The following GALNT13 variants were observed in gnomAD, a reference collection of about 807,000 sequenced individuals.
GALNT13 encodes the protein UDP-GalNAc:polypeptide N-acetylgalactosaminyltransferase 13.
GALNT13 carries 28 observed loss-of-function variants against 64.2 expected under a neutral mutation model. The ratio of observed to expected loss-of-function variants is 0.44; its 90% CI spans 0.32 to 0.60. The LOEUF (loss-of-function observed/expected upper bound fraction) is 0.60, where lower values mean the gene tolerates loss of function less well. Among genes scored for constraint, GALNT13 ranks in the 20% least tolerant of loss-of-function variants. The pLI, the probability that GALNT13 is intolerant of heterozygous loss-of-function variation, is 0.05. For synonymous variants in GALNT13, 214 were observed against 224.6 expected, an observed-to-expected ratio of 0.95 and a Z score of 0.42; for missense variants, 577 against 669.8, an observed-to-expected ratio of 0.86 and a Z score of 1.53.
the GALNT13 span, among the ~76,000 whole-genome samples, chr2:153,341,187 G>A: frequency 6.6e-6 from 1 of 152,132 alleles, no homozygotes; most frequent in African/African-American, 2.4e-5. Flanking sequence ...ACAAAGTTAA[G>A]GATAATAATA....
chr2:153,297,766 A>G, the GALNT13 span, among the ~76,000 whole-genome samples: 1 of 152,216 alleles, frequency 6.6e-6, no homozygotes, highest in African/African-American at 2.4e-5. Flanking sequence ...TGCTGAGGCT[A>G]ACAATAGTGG....
chr2:153,684,067 A>AT, the GALNT13 span, among the ~76,000 whole-genome samples: 3 of 78,076 alleles, frequency 3.8e-5, 1 homozygote, highest in African/African-American at 1.2e-4. Flanking sequence ...CCTCTTCATA[A>AT]TAATATATAT....
At chr2:153,871,598 G>A (rs1419182704), upstream of GALNT13, among the ~76,000 whole-genome samples, 2 of 152,168 alleles carry the variant, frequency 1.3e-5, no homozygotes, top group Non-Finnish European at 2.9e-5. Flanking sequence ...AAAGCGGCCA[G>A]GGGTCGCGAG....
At chr2:153,193,276 A>C in the GALNT13 span, among the ~76,000 whole-genome samples, 1 of 151,936 alleles carries the variant, frequency 6.6e-6, no homozygotes, top group African/African-American at 2.4e-5. Flanking sequence ...GCCATAAAAA[A>C]TGATGAGTTC....
At position 154,255,942 on chromosome 2, in the gene GALNT13, A is replaced by G. The variant is rs1436259646; in HGVS notation, c.858-3079A>G. ...GTGGTGCATGCCCGTAGTCCCAGCT[A>G]TTCTGGAGGCTGAGGTGGGAGAATC... On this transcript the variant is annotated intron_variant, in intron 7 of 12. Coordinates refer to ENST00000392825, the MANE Select transcript of GALNT13 (RefSeq NM_052917.4). Among the ~76,000 whole-genome samples, 3 of 152,118 alleles carry G rather than the reference A, an allele frequency of 2.0e-5. No homozygotes were observed. In the East Asian group the frequency reaches 5.8e-4, roughly 30 times the overall value.
chr2:154,328,136 T>C (rs1694975129), intron 9 of GALNT13, among the ~76,000 whole-genome samples: 3 of 152,144 alleles, frequency 2.0e-5, no homozygotes, highest in African/African-American at 7.2e-5. Context: ...AACTAGGTAC[T>C]GATTGTACCT....
chr2:153,194,289 T>C, the GALNT13 span, among the ~76,000 whole-genome samples: 60 of 152,292 alleles, frequency 3.9e-4, no homozygotes, highest in African/African-American at 1.4e-3. Context: ...TTATTTTTTA[T>C]GCTTTTTTGT....
the GALNT13 span, among the ~76,000 whole-genome samples, chr2:153,265,137 G>T: frequency 3.1e-3 from 471 of 152,272 alleles, 1 homozygote; most frequent in African/African-American, 0.011. Flanking sequence ...GCTGTTTGAG[G>T]TTGGGGAAGG....
chr2:153,407,281 T>G, the GALNT13 span, among the ~76,000 whole-genome samples: 1 of 152,188 alleles, frequency 6.6e-6, no homozygotes, highest in Admixed American at 6.5e-5. Flanking sequence ...TGATGATGCT[T>G]AAGTCTAATA....
chr2:153,724,145 A>C, the GALNT13 span, among the ~76,000 whole-genome samples: 1 of 141,274 alleles, frequency 7.1e-6, no homozygotes, highest in Non-Finnish European at 1.5e-5. Flanking sequence ...CTCAGAAATA[A>C]CGCCACATAC....
intron 1 of GALNT13, among the ~76,000 whole-genome samples, chr2:153,899,372 C>A (rs2105288037): frequency 6.6e-6 from 1 of 152,198 alleles, no homozygotes; most frequent in East Asian, 1.9e-4. Context: ...TAGAGATTTA[C>A]TAATTGTTAT....
At chr2:153,826,626 A>G in the GALNT13 span, among the ~76,000 whole-genome samples, 1 of 152,204 alleles carries the variant, frequency 6.6e-6, no homozygotes, top group South Asian at 2.1e-4. Flanking sequence ...AACTGTAAAG[A>G]GTTTTAAACC....
the GALNT13 span, among the ~76,000 whole-genome samples, chr2:153,447,637 T>G: frequency 1.3e-5 from 2 of 152,294 alleles, no homozygotes; most frequent in Admixed American, 1.3e-4. Flanking sequence ...ATAGTTTTAT[T>G]GGTTATATAA....
At chr2:153,913,173 C>T (rs1351315404) in intron 2 of GALNT13, among the ~76,000 whole-genome samples, 5 of 152,228 alleles carry the variant, frequency 3.3e-5, no homozygotes, top group African/African-American at 1.2e-4. Context: ...GTCTGTTTTC[C>T]CTGCCTAGTT....
the GALNT13 span, among the ~76,000 whole-genome samples, chr2:153,724,156 C>G: frequency 2.1e-5 from 3 of 141,746 alleles, no homozygotes; most frequent in Non-Finnish European, 3.0e-5. Context: ...CGCCACATAC[C>G]TACAACTATC....
chr2:153,216,538 G>A, the GALNT13 span, among the ~76,000 whole-genome samples: 1 of 151,928 alleles, frequency 6.6e-6, no homozygotes, highest in Non-Finnish European at 1.5e-5. Context: ...CATTGTGCCT[G>A]TAATTTGCAT....
the GALNT13 span, among the ~76,000 whole-genome samples, chr2:153,272,913 A>T: frequency 6.6e-6 from 1 of 152,252 alleles, no homozygotes; most frequent in Non-Finnish European, 1.5e-5. Flanking sequence ...TGGCACATAT[A>T]CACCATGGAA....
chr2:153,924,378 C>G (rs2105343328), intron 2 of GALNT13, among the ~76,000 whole-genome samples: 1 of 151,958 alleles, frequency 6.6e-6, no homozygotes, highest in East Asian at 1.9e-4. Context: ...TGTTCCTGCA[C>G]AGGACATGAT....
intron 3 of GALNT13, among the ~76,000 whole-genome samples, chr2:154,044,164 GAGAAA>G (rs1699163631): frequency 1.3e-5 from 2 of 152,110 alleles, no homozygotes; most frequent in East Asian, 1.9e-4. Context: ...ATTGCATTTT[GAGAAA>G]AGAAGATGAT....
Sources: allele counts gnomAD v4.1 joint callset (sites outside exome capture counted in the v4.1 genomes callset), GRCh38; gene constraint gnomAD v4.1.1; transcripts MANE v1.5; gene names NCBI Gene and HGNC (gene_info 2026-07-23, HGNC 2026-07-21).